DEPTOR: variants seen among roughly 807,000 people sequenced by gnomAD.
DEPTOR encodes the protein DEP domain containing MTOR interacting protein, also known as DEP domain-containing mTOR-interacting protein.
In DEPTOR, 41 loss-of-function variants were observed where a neutral mutation model predicts 41.6. The ratio of observed to expected loss-of-function variants is 0.98; its 90% CI spans 0.77 to 1.28. The LOEUF is 1.28. Ranked by LOEUF, DEPTOR falls within the 50% of genes most tolerant of loss-of-function variation. The pLI, the probability that DEPTOR is intolerant of heterozygous loss-of-function variation, is 0.00. For missense variants in DEPTOR, 514 were observed against 527.9 expected, an observed-to-expected ratio of 0.97 and a Z score of 0.26; for synonymous variants, 195 against 192.3, an observed-to-expected ratio of 1.01 and a Z score of -0.12.
intron 4 of DEPTOR, among the ~76,000 whole-genome samples, chr8:119,985,826 C>CTT (rs999602227): frequency 2.4e-5 from 1 of 41,634 alleles, no homozygotes; most frequent in African/African-American, 1.1e-4. Context: ...AACCCCTGCT[C>CTT]TTTTTTTTTT....
intron 1 of DEPTOR, among the ~76,000 whole-genome samples, chr8:119,915,625 C>T (rs1363762880): frequency 6.6e-6 from 1 of 152,184 alleles, no homozygotes; most frequent in Non-Finnish European, 1.5e-5. Flanking sequence ...AGTTACCTAA[C>T]TTCTGTAAGT....
At chr8:120,028,452 CT>C (rs754049805) in intron 8 of DEPTOR, among the ~76,000 whole-genome samples, 2,590 of 107,366 alleles carry the variant, frequency 0.024, 45 homozygotes, top group African/African-American at 0.057. Flanking sequence ...AGCTCCAAAT[CT>C]TTTTTTTTTT....
intron 3 of DEPTOR, among the ~76,000 whole-genome samples, chr8:119,945,844 AC>A: frequency 6.6e-6 from 1 of 152,304 alleles, no homozygotes; most frequent in East Asian, 1.9e-4. Context: ...GTTCTAAGAC[AC>A]AGACAGAGCA....
At chr8:119,896,262 GAGAAAGCAAAGGCTT>G (rs1000081512) in intron 1 of DEPTOR, among the ~76,000 whole-genome samples, 27 of 152,270 alleles carry the variant, frequency 1.8e-4, no homozygotes, top group African/African-American at 6.5e-4. Flanking sequence ...TTTTAGAAAT[GAGAAAGCAAAGGCTT>G]AGAAAGATTA....
At chr8:120,002,889 C>T in intron 5 of DEPTOR, 88 bp from the exon 6 acceptor site, 2 of 1,477,694 alleles carry the variant, frequency 1.4e-6, no homozygotes, top group Non-Finnish European at 1.8e-6. Context: ...TCTCCTGGCC[C>T]CTCTGGACCT....
chr8:120,009,091 G>A lies in DEPTOR; in HGVS notation c.1059G>A (p.Gln353=). The change falls in exon 8 of 9, where the codon CAG becomes CAA. Residue 353 remains glutamine, a synonymous_variant. Coordinates refer to ENST00000286234, the MANE Select transcript of DEPTOR (RefSeq NM_022783.4). ...VVRGSKPCHI[Q]AVDPSGPAAA... is the part of the protein sequence containing the mutation. Reference sequence around the variant, plus strand: ...GAGGAAGTAAGCCATGCCACATCCAGGCTGTAGACCCCAGTGGCCCTGCAG... The same window carrying A: ...GAGGAAGTAAGCCATGCCACATCCAAGCTGTAGACCCCAGTGGCCCTGCAG... The A allele has an allele frequency of 6.2e-7, 1 of 1,614,064 alleles. No homozygotes were observed. Among genetic ancestry groups the A allele is most frequent in the Non-Finnish European group, 8.5e-7 (1 of 1,179,998 alleles).
chr8:119,923,609 A>G (rs560976340), intron 1 of DEPTOR, among the ~76,000 whole-genome samples: 4 of 152,190 alleles, frequency 2.6e-5, no homozygotes, highest in Non-Finnish European at 4.4e-5. Flanking sequence ...TTTTTCAGCT[A>G]TGTGATTTAT....
intron 3 of DEPTOR, among the ~76,000 whole-genome samples, chr8:119,958,160 G>A (rs961894922): frequency 6.6e-6 from 1 of 152,154 alleles, no homozygotes; most frequent in African/African-American, 2.4e-5. Context: ...TGGTTTGCGT[G>A]GTGGTTACTC....
At chr8:119,880,143 A>C (rs946015428) in intron 1 of DEPTOR, among the ~76,000 whole-genome samples, 1 of 129,736 alleles carries the variant, frequency 7.7e-6, no homozygotes, top group Admixed American at 7.3e-5. Flanking sequence ...CTCCGTCTCA[A>C]AATAAAATAA....
At chr8:119,941,373 C>CG (rs1828201129) in intron 3 of DEPTOR, among the ~76,000 whole-genome samples, 1 of 39,964 alleles carries the variant, frequency 2.5e-5, no homozygotes, top group East Asian at 8.4e-4. Flanking sequence ...ATCTCCATCT[C>CG]AAAAAAAAAA....
At chr8:119,958,773 C>G (rs1240307131) in intron 3 of DEPTOR, among the ~76,000 whole-genome samples, 1 of 151,922 alleles carries the variant, frequency 6.6e-6, no homozygotes, top group Non-Finnish European at 1.5e-5. Flanking sequence ...CAGATCGAGA[C>G]TCTATCTCAA....
intron 1 of DEPTOR, among the ~76,000 whole-genome samples, chr8:119,923,271 T>C (rs765573377): frequency 1.3e-5 from 2 of 151,924 alleles, no homozygotes; most frequent in Non-Finnish European, 2.9e-5. Flanking sequence ...TGAGATGAGG[T>C]CTCTCTGTGG....
intron 1 of DEPTOR, among the ~76,000 whole-genome samples, chr8:119,899,467 T>C (rs1827559862): frequency 6.6e-6 from 1 of 152,210 alleles, no homozygotes; most frequent in Non-Finnish European, 1.5e-5. Context: ...ATGCTAAACA[T>C]AGACTTATAG....
intron 1 of DEPTOR, among the ~76,000 whole-genome samples, chr8:119,912,513 A>G (rs993704956): frequency 6.6e-6 from 1 of 152,228 alleles, no homozygotes; most frequent in African/African-American, 2.4e-5. Flanking sequence ...ATAGCTGCGG[A>G]TGTTCCTGAG....
At chr8:120,001,806 A>G in intron 5 of DEPTOR, 96 bp downstream of exon 5, 5 of 1,391,362 alleles carry the variant, frequency 3.6e-6, no homozygotes, top group Non-Finnish European at 4.7e-6. Context: ...TCTCTATCAG[A>G]GCGTAGAATT....
At chr8:119,957,594 C>CTTT (rs529129631) in intron 3 of DEPTOR, among the ~76,000 whole-genome samples, 1 of 140,442 alleles carries the variant, frequency 7.1e-6, no homozygotes, top group East Asian at 2.1e-4. Context: ...TTCTTTCTTT[C>CTTT]TTTTTTTTTT....
chr8:120,012,942 A>C (rs1210190998), intron 8 of DEPTOR, among the ~76,000 whole-genome samples: 2 of 151,982 alleles, frequency 1.3e-5, no homozygotes, highest in Non-Finnish European at 2.9e-5. Context: ...AGATCACCCA[A>C]GGTCAGGAGA....
At chr8:119,921,801 C>A (rs1367894222) in intron 1 of DEPTOR, among the ~76,000 whole-genome samples, 1 of 148,566 alleles carries the variant, frequency 6.7e-6, no homozygotes, top group Non-Finnish European at 1.5e-5. Flanking sequence ...TGCTCTGTCA[C>A]CCAGGCTGGA....
intron 1 of DEPTOR, among the ~76,000 whole-genome samples, chr8:119,919,846 C>T (rs1827867665): frequency 6.6e-6 from 1 of 152,190 alleles, no homozygotes; most frequent in Non-Finnish European, 1.5e-5. Flanking sequence ...TCCCTGAGTC[C>T]CACAATCTGC....
Sources: allele counts gnomAD v4.1 joint callset (sites outside exome capture counted in the v4.1 genomes callset), GRCh38; gene constraint gnomAD v4.1.1; transcripts MANE v1.5; gene names NCBI Gene and HGNC (gene_info 2026-07-23, HGNC 2026-07-21).